Variants in RAD54L2 observed in about 807,000 individuals in gnomAD.
RAD54L2 encodes the protein helicase ARIP4.
RAD54L2 carries 27 observed loss-of-function variants against 138.4 expected under a neutral mutation model. The observed-to-expected ratio is 0.20, with a 90% CI of 0.14 to 0.27. The LOEUF (loss-of-function observed/expected upper bound fraction) is 0.27, where lower values mean the gene tolerates loss of function less well. Among genes scored for constraint, RAD54L2 ranks in the 10% least tolerant of loss-of-function variants. The pLI is 1.00. For synonymous variants in RAD54L2, 644 were observed against 723.2 expected, an observed-to-expected ratio of 0.89 and a Z score of 1.76; for missense variants, 1,396 against 1,890.2, an observed-to-expected ratio of 0.74 and a Z score of 4.85.
intron 2 of RAD54L2, among the ~76,000 whole-genome samples, chr3:51,543,857 G>A (rs972194630): frequency 5.9e-5 from 9 of 152,118 alleles, no homozygotes; most frequent in Admixed American, 3.3e-4. Context: ...CAGCTTGGCC[G>A]ACTCTAAGGC....
chr3:51,646,246 C>T, intron 18 of RAD54L2, 39 bp from the exon 19 acceptor site: 1 of 1,521,196 alleles, frequency 6.6e-7, no homozygotes, highest in Non-Finnish European at 8.9e-7. Flanking sequence ...ATCTATCAGC[C>T]ATGTTGGTAA....
chr3:51,584,329 A>G (rs1386142438), intron 2 of RAD54L2, among the ~76,000 whole-genome samples: 1 of 152,006 alleles, frequency 6.6e-6, no homozygotes, highest in Non-Finnish European at 1.5e-5. Context: ...TTTTCTCTTA[A>G]GTTTCAAATT....
chr3:51,592,065 T>G (rs1428332736), intron 3 of RAD54L2, among the ~76,000 whole-genome samples: 17 of 129,690 alleles, frequency 1.3e-4, no homozygotes, highest in Non-Finnish European at 2.4e-4. Context: ...TTTTTTTTTT[T>G]TTTTTTTTTT....
intron 22 of RAD54L2, among the ~76,000 whole-genome samples, chr3:51,660,676 C>T (rs1169399785): frequency 6.6e-6 from 1 of 151,054 alleles, no homozygotes; most frequent in South Asian, 2.1e-4. Flanking sequence ...GGCTGGAGTG[C>T]AATGGTGCAA....
chr3:51,573,175 A>G (rs1327559762), intron 2 of RAD54L2, among the ~76,000 whole-genome samples: 1 of 152,112 alleles, frequency 6.6e-6, no homozygotes, highest in Admixed American at 6.6e-5. Flanking sequence ...GGTGAGTACA[A>G]TTTCTACCTG....
Position 51,634,358 on chromosome 3 carries a change from ATTT to A in RAD54L2, c.1142+350_1142+352del, listed in dbSNP as rs61565460. 8.3e-3 allele frequency among the ~76,000 whole-genome samples: 790 copies of A among 94,668 alleles called. 6 individuals are homozygous for A. The highest frequency in any genetic ancestry group is 0.033 in the African/African-American group (740 of 22,534). The allele number at this position is 94,668 out of a possible 152,430, so 62.1% of individuals were successfully genotyped here. On this transcript the variant is annotated intron_variant, in intron 9 of 22. Transcript: ENST00000684192. The stretch of plus-strand genomic sequence containing the variant: ...AAACAATGGATCTTTCCACTGTCTG[ATTT>A]TTTTTTTTTTTTTTTTTTTTTTTTT...
At chr3:51,603,903 T>A (rs1402118745) in intron 3 of RAD54L2, among the ~76,000 whole-genome samples, 2 of 152,084 alleles carry the variant, frequency 1.3e-5, no homozygotes, top group Non-Finnish European at 2.9e-5. Context: ...GTTGGAGAGT[T>A]TGGGCAGAGG....
chr3:51,637,106 T>C lies in RAD54L2; in HGVS notation c.1340-55T>C, dbSNP rs779270141. On this transcript the variant is annotated intron_variant, in intron 10 of 22. Coordinates refer to ENST00000684192, the MANE Select transcript of RAD54L2 (RefSeq NM_015106.4). The surrounding 1 kb of genome is among the most constrained non-coding windows in gnomAD (Gnocchi z 5.9). The stretch of plus-strand genomic sequence containing the variant: ...GGGTGCACCCCTACTTCTCATATTA[T>C]TGACTAAGAGCAGGCCCTGTCACCC... The C allele has an allele frequency of 6.9e-7, 1 of 1,442,480 alleles. No individual in the cohort carries two copies. The highest frequency in any genetic ancestry group is 9.5e-7 in the Non-Finnish European group (1 of 1,051,588). The allele number at this position is 1,442,480 out of a possible 1,614,324, so 89.4% of individuals were successfully genotyped here.
At chr3:51,641,959 C>A in intron 15 of RAD54L2, 92 bp downstream of exon 15, 1 of 880,464 alleles carries the variant, frequency 1.1e-6, no homozygotes, top group South Asian at 1.6e-5. Context: ...TCCACTCCAT[C>A]AAATGCATAG....
chr3:51,648,078 G>A (rs377684337), intron 19 of RAD54L2, among the ~76,000 whole-genome samples: 20 of 152,130 alleles, frequency 1.3e-4, no homozygotes, highest in African/African-American at 3.9e-4. Context: ...CTGGAAAATC[G>A]GGACACTGCC....
At chr3:51,567,941 CAAA>C (rs763939768) in intron 2 of RAD54L2, among the ~76,000 whole-genome samples, 11 of 81,676 alleles carry the variant, frequency 1.3e-4, no homozygotes, top group Admixed American at 4.0e-4. Context: ...GACCCTGTCT[CAAA>C]AAAAAAAAAA....
intron 3 of RAD54L2, among the ~76,000 whole-genome samples, chr3:51,601,976 G>A (rs1310748505): frequency 4.6e-5 from 7 of 151,186 alleles, no homozygotes; most frequent in Admixed American, 3.3e-4. Context: ...GATTGTAGGC[G>A]CCTGCCACCA....
chr3:51,566,194 CTCTT>C (rs1273772722), intron 2 of RAD54L2, among the ~76,000 whole-genome samples: 2 of 152,174 alleles, frequency 1.3e-5, no homozygotes, highest in Non-Finnish European at 1.5e-5. Flanking sequence ...TAATCCTTGA[CTCTT>C]TACAGTTTTC....
At chr3:51,573,261 C>T (rs1699382187) in intron 2 of RAD54L2, among the ~76,000 whole-genome samples, 1 of 151,994 alleles carries the variant, frequency 6.6e-6, no homozygotes, top group Admixed American at 6.6e-5. Flanking sequence ...AGACTTTTTC[C>T]TCAGAGATGG....
rs2106867245 is a variant in RAD54L2 at position 51,665,035 on chromosome 3, C to T, written c.*1615C>T. 6.6e-6 allele frequency: 1 copy of T among 152,254 alleles called. No individual in the cohort carries two copies. The highest frequency in any genetic ancestry group is 2.1e-4 in the South Asian group (1 of 4,816). The allele number at this position is 152,254 out of a possible 1,614,324, so 9.4% of individuals were successfully genotyped here. On this transcript the variant is annotated 3_prime_UTR_variant, in exon 23 of 23. Transcript: ENST00000684192. ...TGGAGGAGCCCTTTCTCTGTAGGAGCCCTAAGTCTGGGTTTTATCTTAAAA... is the reference window on the plus strand; with the variant it reads ...TGGAGGAGCCCTTTCTCTGTAGGAGTCCTAAGTCTGGGTTTTATCTTAAAA...
intron 3 of RAD54L2, among the ~76,000 whole-genome samples, chr3:51,608,893 A>AATT (rs1476182554): frequency 6.6e-6 from 1 of 151,910 alleles, no homozygotes; most frequent in Non-Finnish European, 1.5e-5. Context: ...AGGGAGAGGT[A>AATT]ATTATTATTA....
Position 51,598,173 on chromosome 3 carries a change from G to GTA in RAD54L2, c.139+7615_139+7616insAT, listed in dbSNP as rs1238523807. ...TATGTGTGTGTGTGTGTGTGTGTGT[G>GTA]TGTGTATATATATATATATATATAT... is the stretch of plus-strand genomic sequence containing the variant. On this transcript the variant is annotated intron_variant, in intron 3 of 22. Transcript: ENST00000684192. Among the ~76,000 whole-genome samples, 7 of 144,526 alleles carry GTA rather than the reference G, an allele frequency of 4.8e-5. No individual in the cohort carries two copies. The East Asian group carries it at 1.2e-3, about 25-fold the overall frequency. 94.8% of individuals were successfully genotyped at this position (144,526 alleles called of 152,430 possible). A position where few individuals can be genotyped will look rare whatever the true frequency, so the allele number is the denominator to read the frequency against.
chr3:51,562,500 G>A (rs1053353091), intron 2 of RAD54L2, among the ~76,000 whole-genome samples: 7 of 152,154 alleles, frequency 4.6e-5, no homozygotes, highest in African/African-American at 1.7e-4. Context: ...AAAGTGCTGG[G>A]ATTATAGGCG....
At chr3:51,574,940 G>A (rs558344821) in intron 2 of RAD54L2, among the ~76,000 whole-genome samples, 2 of 152,222 alleles carry the variant, frequency 1.3e-5, no homozygotes, top group South Asian at 4.2e-4. Context: ...GTCCTGAATG[G>A]TATTGCCTAG....
Sources: gnomAD v4.1 joint callset for allele counts (sites outside exome capture counted in the v4.1 genomes callset) on GRCh38, gnomAD v4.1.1 for gene constraint, Gnocchi (gnomAD v3.1) non-coding constraint, MANE v1.5 for transcripts, NCBI Gene and HGNC (gene_info 2026-07-23, HGNC 2026-07-21) for gene names.